Variants in UGT2A3 observed in about 807,000 individuals in gnomAD.
UGT2A3 encodes the protein UDP glucuronosyltransferase family 2 member A3.
Under a neutral mutation model 44.1 loss-of-function variants are expected in UGT2A3, and 55 were observed. The ratio of observed to expected loss-of-function variants is 1.25; its 90% CI spans 1.00 to 1.56. UGT2A3 has a LOEUF of 1.56. UGT2A3 is among the 40% of genes most tolerant of loss of function. The probability of loss-of-function intolerance (pLI) is 0.00; values close to 1 mark genes in which losing one functional copy is unlikely to be tolerated. For synonymous variants in UGT2A3, 243 were observed against 215.1 expected (o/e 1.13, Z -1.13); for missense variants, 733 against 621.6 (o/e 1.18, Z -1.91).
chr4:68,928,503 C>T lies in UGT2A3; in HGVS notation c.*1310G>A, dbSNP rs978317163. 18 of 151,894 alleles carry T rather than the reference C, an allele frequency of 1.2e-4. No homozygotes were observed. Among genetic ancestry groups the T allele is most frequent in the African/African-American group, 3.9e-4 (16 of 41,392 alleles). The allele number at this position is 151,894 out of a possible 1,614,324, so 9.4% of individuals were successfully genotyped here. The stretch of plus-strand genomic sequence containing the variant: ...CAATTTTATTTATATTTATTGTATA[C>T]ATACACAAGAAAAATACTTATATTT... On this transcript the variant is annotated 3_prime_UTR_variant, in exon 6 of 6. Transcript: ENST00000251566.
chr4:68,945,281 A>T, intron 2 of UGT2A3, 25 bp downstream of exon 2: 6 of 1,609,376 alleles, frequency 3.7e-6, no homozygotes, highest in Non-Finnish European at 5.1e-6. Flanking sequence ...AAAGTACATA[A>T]TATTCCTTAA....
intron 2 of UGT2A3, among the ~76,000 whole-genome samples, chr4:68,935,276 G>GTATATATATATATATATATA (rs57286694): frequency 2.0e-4 from 12 of 60,116 alleles, no homozygotes; most frequent in Non-Finnish European, 3.4e-4. Flanking sequence ...ATGTATGTAT[G>GTATATATATATATATATATA]TATATATATA....
chr4:68,932,481 A>T (rs896838974), intron 3 of UGT2A3, 147 bp downstream of exon 3: 3 of 636,074 alleles, frequency 4.7e-6, no homozygotes, highest in African/African-American at 1.9e-5. Context: ...TAGGCAAATG[A>T]TCAGTTATGC....
chr4:68,935,302 A>ATATG (rs1190555051), intron 2 of UGT2A3, among the ~76,000 whole-genome samples: 1 of 107,020 alleles, frequency 9.3e-6, no homozygotes, highest in African/African-American at 3.7e-5. Context: ...ATATATATAT[A>ATATG]TATATATATA....
intron 2 of UGT2A3, among the ~76,000 whole-genome samples, chr4:68,939,475 T>C (rs1365330367): frequency 5.3e-5 from 8 of 152,046 alleles, no homozygotes; most frequent in South Asian, 2.1e-4. Context: ...ATAAATGGTG[T>C]TGGGAAAACA....
Position 68,951,136 on chromosome 4 carries a change from C to A in UGT2A3, c.625G>T (p.Val209Leu). The A allele has an allele frequency of 6.2e-7, 1 of 1,611,584 alleles. No individual in the cohort carries two copies. Among genetic ancestry groups the A allele is most frequent in the Non-Finnish European group, 8.5e-7 (1 of 1,178,866 alleles). ...LTDRMTFLER[V>L]KNSMLSVLFH... ...AAAACTGAAAGCATTGAATTTTTTACTCTTTCCAGAAAGGTCATTCTGTCT... is the reference window on the plus strand; with the variant it reads ...AAAACTGAAAGCATTGAATTTTTTAATCTTTCCAGAAAGGTCATTCTGTCT... Residue 209 changes from valine (V) to leucine (L), a missense_variant, in exon 1 of 6, where the codon GTA (valine) becomes TTA (leucine). Val to Leu is a conservative substitution (Grantham distance 32). Transcript: ENST00000251566.
At chr4:68,949,007 A>T (rs2109797566) in intron 1 of UGT2A3, among the ~76,000 whole-genome samples, 1 of 151,910 alleles carries the variant, frequency 6.6e-6, no homozygotes, top group East Asian at 2.0e-4. Flanking sequence ...ATGCAAGAGA[A>T]AGAAGGTGGA....
chr4:68,937,903 C>A (rs1258451973), intron 2 of UGT2A3, among the ~76,000 whole-genome samples: 3 of 152,054 alleles, frequency 2.0e-5, no homozygotes, highest in African/African-American at 7.2e-5. Flanking sequence ...CACAGAAATA[C>A]AAACTACCGT....
intron 2 of UGT2A3, among the ~76,000 whole-genome samples, chr4:68,934,587 G>A (rs1299654017): frequency 1.3e-5 from 2 of 151,928 alleles, no homozygotes; most frequent in Non-Finnish European, 2.9e-5. Flanking sequence ...AAGAGACAAA[G>A]CAAATCAGGC....
At chr4:68,945,071 T>C (rs1718334754) in intron 2 of UGT2A3, among the ~76,000 whole-genome samples, 1 of 151,768 alleles carries the variant, frequency 6.6e-6, no homozygotes. Flanking sequence ...CAAACTATTG[T>C]AATACTAGTA....
intron 1 of UGT2A3, among the ~76,000 whole-genome samples, chr4:68,946,008 G>C (rs114639782): frequency 0.019 from 2,940 of 151,278 alleles, 97 homozygotes; most frequent in East Asian, 0.15. Flanking sequence ...TAATTAATAG[G>C]CTACTGTTTT....
At chr4:68,945,170 G>A in intron 2 of UGT2A3, 136 bp downstream of exon 2, 1 of 936,050 alleles carries the variant, frequency 1.1e-6, no homozygotes, top group Non-Finnish European at 1.6e-6. Flanking sequence ...AAGAGCCCCT[G>A]TGGCATGGAA....
In UGT2A3 at chr4:68,951,483, A is replaced by G. The variant is rs202083766; in HGVS notation, c.278T>C (p.Leu93Pro). ...TAAGCCTGGCAAGACATTCAGAGCT[A>G]GGTCAACAAATATTTCATTTTCTTC... ...RTEENEIFVDLALNVLPGLST... is the reference protein window; with the variant it reads ...RTEENEIFVDPALNVLPGLST... Residue 93 changes from leucine (L) to proline (P), a missense_variant, in exon 1 of 6, where the codon CTA (leucine) becomes CCA (proline). Leu to Pro is a moderately conservative substitution (Grantham distance 98, BLOSUM62 -3). Transcript: ENST00000251566. 283 of 1,612,566 alleles carry G rather than the reference A, an allele frequency of 1.8e-4. No homozygotes were observed. Among genetic ancestry groups the G allele is most frequent in the Non-Finnish European group, 2.0e-5 (23 of 1,179,294 alleles).
rs1718597137 is a variant in UGT2A3, at chr4:68,951,614, T to A, written c.147A>T (p.Arg49Ser). 1 of 1,612,802 alleles carries A rather than the reference T, an allele frequency of 6.2e-7. No homozygotes were observed. Among genetic ancestry groups the A allele is most frequent in the Non-Finnish European group, 8.5e-7 (1 of 1,179,446 alleles). Residue 49 changes from arginine (R) to serine (S), a missense_variant, in exon 1 of 6, where the codon AGA becomes AGT. Transcript: ENST00000251566. ...GAGTCAATACTGTTACCTCATGGCC[T>A]CTCACTATGAGCTCTTCTAGAATGA... ...VKVILEELIV[R>S]GHEVTVLTHS...
At chr4:68,936,538 C>A (rs565836160) in intron 2 of UGT2A3, among the ~76,000 whole-genome samples, 2 of 152,156 alleles carry the variant, frequency 1.3e-5, no homozygotes, top group Middle Eastern at 6.8e-3. Context: ...ACCAGGCCTG[C>A]CTTACAAGAG....
intron 1 of UGT2A3, among the ~76,000 whole-genome samples, chr4:68,947,302 A>C (rs960849144): frequency 2.0e-5 from 3 of 151,782 alleles, no homozygotes; most frequent in Admixed American, 2.0e-4. Flanking sequence ...CAACTCACAA[A>C]ACCAATTTCT....
chr4:68,939,098 A>C (rs1444761261), intron 2 of UGT2A3, among the ~76,000 whole-genome samples: 1 of 152,178 alleles, frequency 6.6e-6, no homozygotes, highest in East Asian at 1.9e-4. Flanking sequence ...AGGAAGAATT[A>C]ATATCATGAA....
rs1432214848 is a variant in UGT2A3 at position 68,936,242 on chromosome 4, AC to A, written c.865-3484del. 2.6e-5 allele frequency among the ~76,000 whole-genome samples: 4 copies of A among 152,176 alleles called. No individual in the cohort carries two copies. The East Asian group carries it at 7.8e-4, about 30-fold the overall frequency. On this transcript the variant is annotated intron_variant, in intron 2 of 5. Transcript: ENST00000251566. ...ACAAAGATATTCCTTGAGAAGACCA[AC>A]TCCAAGACACATAATTGTCAGATTC...
rs189146523 is a variant in UGT2A3 at position 68,929,832 on chromosome 4, T to C, written c.1565A>G (p.Lys522Arg). 88 of 1,601,326 alleles carry C rather than the reference T, an allele frequency of 5.5e-5. No individual in the cohort carries two copies. The highest frequency in any genetic ancestry group is 6.7e-5 in the Non-Finnish European group (79 of 1,172,514). The change falls in exon 6 of 6, where the codon AAG (lysine) becomes AGG (arginine). Residue 522 changes from lysine to arginine, a missense_variant. Coordinates refer to ENST00000251566, the MANE Select transcript of UGT2A3 (RefSeq NM_024743.4). ...AAAGATCTATTCCCTCTTTTCTATC[T>C]TTCTAGTTTTATTAAATTTTTGACA... is the stretch of plus-strand genomic sequence containing the variant. ...FSCQKFNKTR[K>R]IEKRE
Sources: gnomAD v4.1 joint callset for allele counts (sites outside exome capture counted in the v4.1 genomes callset) on GRCh38, gnomAD v4.1.1 for gene constraint, MANE v1.5 for transcripts, NCBI Gene and HGNC (gene_info 2026-07-23, HGNC 2026-07-21) for gene names.